The following TTC23 variants were observed in gnomAD, a reference collection of about 807,000 sequenced individuals.
The protein encoded by TTC23 is tetratricopeptide repeat protein 23.
TTC23 carries 58 observed loss-of-function variants against 55.1 expected under a neutral mutation model. That is an observed-to-expected ratio of 1.05 (90% CI 0.85 to 1.31). TTC23 has a LOEUF of 1.31. Among genes scored for constraint, TTC23 ranks in the 50% most tolerant of loss-of-function variants. TTC23 has a pLI of 0.00. For missense variants in TTC23, 516 were observed against 534.4 expected (o/e 0.97, Z 0.34); for synonymous variants, 203 against 199.9 (o/e 1.02, Z -0.13).
chr15:99,207,639 C>A (rs1405508120), intron 8 of TTC23, among the ~76,000 whole-genome samples: 1 of 152,138 alleles, frequency 6.6e-6, no homozygotes, highest in Non-Finnish European at 1.5e-5. Context: ...TGCCTGTAAT[C>A]CCAACTACTC....
At chr15:99,246,596 C>T (rs1002873871) in intron 1 of TTC23, among the ~76,000 whole-genome samples, 2 of 149,220 alleles carry the variant, frequency 1.3e-5, no homozygotes, top group Non-Finnish European at 3.0e-5. Context: ...GCCCGGGTGA[C>T]AGAGTGACAC....
At chr15:99,198,183 A>G (rs1448721847) in intron 9 of TTC23, among the ~76,000 whole-genome samples, 1 of 152,134 alleles carries the variant, frequency 6.6e-6, no homozygotes, top group Non-Finnish European at 1.5e-5. Context: ...CCAATTATCT[A>G]ACTGCCTATT....
At chr15:99,242,279 A>C (rs1447520459) in intron 2 of TTC23, among the ~76,000 whole-genome samples, 1 of 152,144 alleles carries the variant, frequency 6.6e-6, no homozygotes, top group East Asian at 1.9e-4. Flanking sequence ...ATACCAAAAA[A>C]ATAGTGATAA....
chr15:99,226,382 C>T (rs1261558990), intron 5 of TTC23, among the ~76,000 whole-genome samples: 1 of 152,050 alleles, frequency 6.6e-6, no homozygotes, highest in Non-Finnish European at 1.5e-5. Context: ...ACTCTCAGTT[C>T]AGAAAAACAA....
At chr15:99,226,227 G>T (rs2078400628) in intron 5 of TTC23, among the ~76,000 whole-genome samples, 1 of 151,990 alleles carries the variant, frequency 6.6e-6, no homozygotes, top group Non-Finnish European at 1.5e-5. Context: ...ATATAAACAA[G>T]GTTTACAGAT....
intron 4 of TTC23, among the ~76,000 whole-genome samples, chr15:99,229,886 C>A (rs1359115034): frequency 6.6e-6 from 1 of 152,126 alleles, no homozygotes; most frequent in Non-Finnish European, 1.5e-5. Context: ...CAGATCACCA[C>A]ACAGATCAAA....
rs1317015498 is a variant in TTC23, at chr15:99,195,909, GT to G, written c.759+4009del. Among the ~76,000 whole-genome samples the G allele has an allele frequency of 2.0e-5, 3 of 151,258 alleles. No individual in the cohort carries two copies. The East Asian group carries it at 5.8e-4, about 29-fold the overall frequency. On this transcript the variant is annotated intron_variant, in intron 9 of 13. Transcript: ENST00000394132. The stretch of plus-strand genomic sequence containing the variant: ...AAAAGAAAAGCCTATTAAAAAGTTT[GT>G]TGGGAGGCTGAGGCAGGGGGATCTC...
intron 5 of TTC23, 97 bp from the exon 6 acceptor site, chr15:99,221,961 T>C: frequency 7.2e-7 from 1 of 1,384,400 alleles, no homozygotes. Flanking sequence ...AAATACTGAG[T>C]GACTACTATG....
intron 10 of TTC23, among the ~76,000 whole-genome samples, chr15:99,167,241 T>C (rs2072246335): frequency 1.3e-5 from 2 of 152,234 alleles, no homozygotes; most frequent in African/African-American, 4.8e-5. Context: ...GCCTGAACCT[T>C]GTGCCCTGAA....
chr15:99,156,287 G>A lies in TTC23; in HGVS notation c.1004C>T (p.Ser335Leu), dbSNP rs369825526. ...GGCTTCCAGGGACTCTCTCAGGATC[G>A]AGGTTGCTCTCTGTGAAAGGAACAA... ...QMTGQKERAT[S>L]ILRESLEAKV... is the part of the protein sequence containing the mutation. Residue 335 changes from serine (S) to leucine (L), a missense_variant, in exon 12 of 14, where the codon TCG becomes TTG. Physicochemically the swap from Ser to Leu is moderately radical, Grantham distance 145. Coordinates refer to ENST00000394132, the MANE Select transcript of TTC23 (RefSeq NM_001288615.3). The A allele has an allele frequency of 8.7e-6, 14 of 1,614,028 alleles. No individual in the cohort carries two copies. In the East Asian group the frequency reaches 2.7e-4, roughly 31 times the overall value.
chr15:99,194,552 C>CAAAA (rs760038465), intron 9 of TTC23, among the ~76,000 whole-genome samples: 32 of 40,348 alleles, frequency 7.9e-4, no homozygotes, highest in Non-Finnish European at 1.1e-3. Context: ...ACATCACGTG[C>CAAAA]AAAAAAAAAA....
At chr15:99,186,824 C>T (rs970652743) in intron 9 of TTC23, among the ~76,000 whole-genome samples, 2 of 152,130 alleles carry the variant, frequency 1.3e-5, no homozygotes, top group African/African-American at 4.8e-5. Flanking sequence ...AAATAGATAT[C>T]CCATGTTCAG....
At chr15:99,237,505 A>C (rs2152087163) in intron 3 of TTC23, among the ~76,000 whole-genome samples, 1 of 152,338 alleles carries the variant, frequency 6.6e-6, no homozygotes, top group Admixed American at 6.5e-5. Context: ...TAAATCTCAA[A>C]ATAGTTATGC....
At chr15:99,211,981 T>A (rs1314048643) in intron 8 of TTC23, among the ~76,000 whole-genome samples, 1 of 152,180 alleles carries the variant, frequency 6.6e-6, no homozygotes, top group Non-Finnish European at 1.5e-5. Context: ...GCATGAGCCA[T>A]CATGCCGGCC....
intron 9 of TTC23, among the ~76,000 whole-genome samples, chr15:99,176,130 T>A (rs961682328): frequency 5.3e-5 from 8 of 151,820 alleles, no homozygotes; most frequent in Non-Finnish European, 1.0e-4. Flanking sequence ...GCATTTGGAG[T>A]TTTAAAATAC....
intron 4 of TTC23, among the ~76,000 whole-genome samples, chr15:99,234,665 C>T (rs561084263): frequency 3.9e-5 from 6 of 152,194 alleles, no homozygotes; most frequent in African/African-American, 1.4e-4. Flanking sequence ...AGCCACCGCA[C>T]CTGGCCAAAA....
chr15:99,230,737 T>C (rs1021267227), intron 4 of TTC23, among the ~76,000 whole-genome samples: 1 of 152,146 alleles, frequency 6.6e-6, no homozygotes, highest in African/African-American at 2.4e-5. Flanking sequence ...AAGAAAAAAG[T>C]TGTCAACCTT....
intron 9 of TTC23, among the ~76,000 whole-genome samples, chr15:99,178,361 T>C (rs1029422990): frequency 6.6e-6 from 1 of 152,172 alleles, no homozygotes; most frequent in African/African-American, 2.4e-5. Context: ...GAAGCTTTTA[T>C]AAACCATATG....
intron 4 of TTC23, among the ~76,000 whole-genome samples, chr15:99,233,065 T>C (rs7178124): frequency 0.42 from 64,136 of 152,012 alleles, 13,643 homozygotes; most frequent in Middle Eastern, 0.6. Flanking sequence ...GTCTCATTCA[T>C]ATGTACAATC....
Sources: allele counts gnomAD v4.1 joint callset (sites outside exome capture counted in the v4.1 genomes callset), GRCh38; gene constraint gnomAD v4.1.1; transcripts MANE v1.5; gene names NCBI Gene and HGNC (gene_info 2026-07-23, HGNC 2026-07-21).